KCNN2: variants seen among roughly 807,000 people sequenced by gnomAD.
KCNN2 encodes small conductance calcium-activated potassium channel protein 2.
A neutral mutation model predicts 55.5 loss-of-function variants in KCNN2; 24 were observed. The observed-to-expected ratio is 0.43, with a 90% CI of 0.31 to 0.61. The LOEUF (loss-of-function observed/expected upper bound fraction) is 0.61, where lower values mean the gene tolerates loss of function less well. Among genes scored for constraint, KCNN2 ranks in the 20% least tolerant of loss-of-function variants. KCNN2 has a pLI of 0.08. For synonymous variants in KCNN2, 431 were observed against 336.1 expected (o/e 1.28, Z -3.09); for missense variants, 754 against 853.6 (o/e 0.88, Z 1.45).
intron 2 of KCNN2, among the ~76,000 whole-genome samples, chr5:114,374,070 G>A (rs1178124337): frequency 6.6e-6 from 1 of 151,976 alleles, no homozygotes; most frequent in Non-Finnish European, 1.5e-5. Context: ...GATTGTTCAG[G>A]TACTATGATG....
intron 2 of KCNN2, among the ~76,000 whole-genome samples, chr5:114,378,617 T>G (rs1341552133): frequency 2.6e-5 from 4 of 152,146 alleles, no homozygotes; most frequent in African/African-American, 9.7e-5. Flanking sequence ...CATCATCACA[T>G]GCAAGTGAAA....
At chr5:114,226,698 C>T (rs1377026536) in intron 2 of KCNN2, among the ~76,000 whole-genome samples, 5 of 151,826 alleles carry the variant, frequency 3.3e-5, no homozygotes, top group East Asian at 1.9e-4. Flanking sequence ...GTCAGGAGAT[C>T]GAGACCATCC....
chr5:114,184,673 G>A (rs74791987), intron 1 of KCNN2, among the ~76,000 whole-genome samples: 2,157 of 152,258 alleles, frequency 0.014, 20 homozygotes, highest in Middle Eastern at 0.031. Context: ...TGAGGTTATA[G>A]TGATTCTTTT....
intron 2 of KCNN2, among the ~76,000 whole-genome samples, chr5:114,269,804 C>A (rs1041500889): frequency 1.3e-5 from 2 of 152,080 alleles, no homozygotes; most frequent in African/African-American, 4.8e-5. Context: ...TATTTTAATA[C>A]AGTGAAAATA....
chr5:114,171,942 G>T (rs958946896), intron 1 of KCNN2, among the ~76,000 whole-genome samples: 2 of 151,948 alleles, frequency 1.3e-5, no homozygotes, highest in East Asian at 1.9e-4. Flanking sequence ...AGTTTTCAGG[G>T]TGTATAGTAT....
chr5:114,482,971 C>T (rs1185700539), intron 5 of KCNN2, among the ~76,000 whole-genome samples: 1 of 151,832 alleles, frequency 6.6e-6, no homozygotes, highest in Non-Finnish European at 1.5e-5. Flanking sequence ...GTGCAGCAAA[C>T]CACCATGGCA....
chr5:114,090,004 C>T (rs1197644438), intron 1 of KCNN2, among the ~76,000 whole-genome samples: 1 of 152,122 alleles, frequency 6.6e-6, no homozygotes, highest in Non-Finnish European at 1.5e-5. Context: ...TATTTATTCT[C>T]ATAGTTATGC....
At chr5:114,193,165 T>A (rs573610781) in intron 1 of KCNN2, among the ~76,000 whole-genome samples, 1 of 152,110 alleles carries the variant, frequency 6.6e-6, no homozygotes, top group Non-Finnish European at 1.5e-5. Flanking sequence ...TCCTTCCCCC[T>A]TCATCCAGCT....
At chr5:114,321,786 C>G (rs1265678377) in intron 2 of KCNN2, among the ~76,000 whole-genome samples, 1 of 152,138 alleles carries the variant, frequency 6.6e-6, no homozygotes, top group Non-Finnish European at 1.5e-5. Flanking sequence ...TCTCCTGCCT[C>G]AGCCTCCTGA....
intron 3 of KCNN2, among the ~76,000 whole-genome samples, chr5:114,431,533 T>C (rs1333547805): frequency 1.3e-5 from 2 of 152,102 alleles, no homozygotes; most frequent in African/African-American, 4.8e-5. Flanking sequence ...AAGAACTAGC[T>C]TTTGATTTTT....
At position 114,362,934 on chromosome 5, in the gene KCNN2, TGCC is replaced by T. The variant is rs111266015; in HGVS notation, c.807_809del (p.Ala270del). 11 of 1,560,834 alleles carry T rather than the reference TGCC, an allele frequency of 7.0e-6. No homozygotes were observed. The highest frequency in any genetic ancestry group is 3.4e-5 in the South Asian group (3 of 87,120). The stretch of plus-strand genomic sequence containing the variant: ...GCGCGTCCTCCCCGTCTGCAGCCGC[TGCC>T]GCCGCCGCCGCTGTTTCGTCCTCAG... On this transcript the variant is annotated inframe_deletion, in exon 1 of 8. Transcript: ENST00000673685.
chr5:114,381,682 C>A (rs1350818558), intron 2 of KCNN2, among the ~76,000 whole-genome samples: 1 of 152,224 alleles, frequency 6.6e-6, no homozygotes. Context: ...CTCTGTGAAG[C>A]CTTCTCATTA....
chr5:114,436,944 A>G (rs902088264), intron 3 of KCNN2, among the ~76,000 whole-genome samples: 46 of 152,170 alleles, frequency 3.0e-4, no homozygotes, highest in Admixed American at 6.5e-4. Context: ...ACTTAAATGT[A>G]AGTAGCACTT....
intron 2 of KCNN2, among the ~76,000 whole-genome samples, chr5:114,330,016 C>CTCTCCCT (rs1756784736): frequency 6.6e-6 from 1 of 151,328 alleles, no homozygotes; most frequent in South Asian, 2.1e-4. Flanking sequence ...GGGAAACTCC[C>CTCTCCCT]TCTCTCTCCC....
At chr5:114,408,041 A>G (rs906862178) in intron 3 of KCNN2, among the ~76,000 whole-genome samples, 10 of 152,134 alleles carry the variant, frequency 6.6e-5, no homozygotes, top group Admixed American at 1.3e-4. Flanking sequence ...GGTTATCCCC[A>G]CATGCAGAAG....
chr5:114,226,642 C>A (rs1393904106), intron 2 of KCNN2, among the ~76,000 whole-genome samples: 2 of 152,080 alleles, frequency 1.3e-5, no homozygotes, highest in African/African-American at 4.8e-5. Flanking sequence ...GTAGCTCATG[C>A]CTGTAATCCC....
chr5:114,300,980 TG>T (rs1230115949), intron 2 of KCNN2, among the ~76,000 whole-genome samples: 1 of 152,192 alleles, frequency 6.6e-6, no homozygotes, highest in Non-Finnish European at 1.5e-5. Flanking sequence ...AAGCGAAAGC[TG>T]AAATTTATTA....
intron 3 of KCNN2, among the ~76,000 whole-genome samples, chr5:114,449,908 A>ACACG (rs1309590184): frequency 0.029 from 1,909 of 66,028 alleles, 17 homozygotes; most frequent in Non-Finnish European, 0.039. Context: ...ACACACACAC[A>ACACG]CGCGCGCGCT....
intron 1 of KCNN2, among the ~76,000 whole-genome samples, chr5:114,190,826 A>G (rs995514334): frequency 6.6e-6 from 1 of 152,186 alleles, no homozygotes; most frequent in African/African-American, 2.4e-5. Context: ...TGGAATAGCT[A>G]TGGTACTTCT....
Sources: gnomAD v4.1 joint callset for allele counts (sites outside exome capture counted in the v4.1 genomes callset) on GRCh38, gnomAD v4.1.1 for gene constraint, MANE v1.5 for transcripts, NCBI Gene and HGNC (gene_info 2026-07-23, HGNC 2026-07-21) for gene names.